Variants in C7orf78 observed in about 807,000 individuals in gnomAD.
C7orf78 encodes chromosome 7 open reading frame 78.
the C7orf78 span, among the ~76,000 whole-genome samples, chr7:12,512,392 C>G: frequency 6.6e-6 from 1 of 152,062 alleles, no homozygotes; most frequent in Non-Finnish European, 1.5e-5. Context: ...GAGTTTTTAT[C>G]ATAAAGTGGT....
the C7orf78 span, among the ~76,000 whole-genome samples, chr7:12,516,663 C>A: frequency 6.6e-6 from 1 of 152,220 alleles, no homozygotes; most frequent in Non-Finnish European, 1.5e-5. Flanking sequence ...AGGGGAGGAG[C>A]TGCCTAACAC....
At chr7:12,539,673 C>G in the C7orf78 span, among the ~76,000 whole-genome samples, 2 of 152,188 alleles carry the variant, frequency 1.3e-5, no homozygotes, top group Non-Finnish European at 2.9e-5. Flanking sequence ...AAGCCAATCA[C>G]TGAGACAATG....
chr7:12,524,630 G>A, the C7orf78 span, among the ~76,000 whole-genome samples: 1,218 of 152,140 alleles, frequency 8.0e-3, 16 homozygotes, highest in African/African-American at 0.028. Flanking sequence ...GGATCATGAG[G>A]TCAGGAGTTC....
the C7orf78 span, among the ~76,000 whole-genome samples, chr7:12,520,471 T>A: frequency 6.6e-6 from 1 of 152,244 alleles, no homozygotes; most frequent in East Asian, 1.9e-4. Flanking sequence ...TTTTTAAATT[T>A]TTTCTTTGCC....
At chr7:12,509,174 TAATACTTTTC>T in the C7orf78 span, among the ~76,000 whole-genome samples, 1 of 152,202 alleles carries the variant, frequency 6.6e-6, no homozygotes, top group Non-Finnish European at 1.5e-5. Flanking sequence ...TTAGGTCATT[TAATACTTTTC>T]AATATGTAGG....
At chr7:12,514,302 A>T in the C7orf78 span, among the ~76,000 whole-genome samples, 1 of 152,102 alleles carries the variant, frequency 6.6e-6, no homozygotes, top group East Asian at 1.9e-4. Flanking sequence ...ATTATATAAC[A>T]ATATTCTTTA....
chr7:12,502,528 A>G, the C7orf78 span, among the ~76,000 whole-genome samples: 8 of 150,244 alleles, frequency 5.3e-5, no homozygotes, highest in South Asian at 6.3e-4. Context: ...CAAAACCACA[A>G]TGAGATACCA....
chr7:12,521,408 A>G, the C7orf78 span, among the ~76,000 whole-genome samples: 17 of 151,612 alleles, frequency 1.1e-4, no homozygotes, highest in African/African-American at 4.1e-4. Flanking sequence ...CTTTCTGATT[A>G]GTATGGGGCT....
chr7:12,532,905 G>C, the C7orf78 span, among the ~76,000 whole-genome samples: 1 of 152,148 alleles, frequency 6.6e-6, no homozygotes, highest in African/African-American at 2.4e-5. Context: ...AATATAAAAA[G>C]AGTAGATATG....
chr7:12,535,021 A>AGG, the C7orf78 span, among the ~76,000 whole-genome samples: 1 of 151,448 alleles, frequency 6.6e-6, no homozygotes, highest in African/African-American at 2.4e-5. Flanking sequence ...GAAGGAAGGA[A>AGG]ACAGATTTCA....
At chr7:12,484,809 G>C in the C7orf78 span, among the ~76,000 whole-genome samples, 1 of 151,670 alleles carries the variant, frequency 6.6e-6, no homozygotes, top group East Asian at 1.9e-4. Flanking sequence ...TTCTACTTTT[G>C]TCTGCTTCTT....
the C7orf78 span, among the ~76,000 whole-genome samples, chr7:12,501,288 A>G: frequency 2.0e-5 from 3 of 148,142 alleles, no homozygotes; most frequent in South Asian, 6.7e-4. Context: ...AGGAAATCAA[A>G]TTGTCCCTGT....
chr7:12,541,964 A>T, the C7orf78 span: 1 of 152,230 alleles, frequency 6.6e-6, no homozygotes, highest in East Asian at 1.9e-4. Context: ...GTCTTTTAAC[A>T]TGTTAAAATA....
At chr7:12,514,895 G>A in the C7orf78 span, among the ~76,000 whole-genome samples, 1 of 151,556 alleles carries the variant, frequency 6.6e-6, no homozygotes, top group Admixed American at 6.6e-5. Flanking sequence ...CTTAGATATA[G>A]TATCCATAGG....
At chr7:12,494,612 T>C in the C7orf78 span, among the ~76,000 whole-genome samples, 1 of 97,680 alleles carries the variant, frequency 1.0e-5, no homozygotes, top group Non-Finnish European at 2.0e-5. Flanking sequence ...TACTCATGCA[T>C]AGCCCTACTT....
the C7orf78 span, among the ~76,000 whole-genome samples, chr7:12,520,677 G>A: frequency 1.3e-5 from 2 of 152,170 alleles, no homozygotes; most frequent in Admixed American, 6.5e-5. Context: ...TTACATTTGC[G>A]AATGAGAAGA....
At chr7:12,493,993 T>A in the C7orf78 span, among the ~76,000 whole-genome samples, 2 of 152,142 alleles carry the variant, frequency 1.3e-5, no homozygotes, top group African/African-American at 4.8e-5. Context: ...CTACTTCAGT[T>A]TAGAATGGTA....
chr7:12,512,803 CTT>C, the C7orf78 span, among the ~76,000 whole-genome samples: 4 of 152,220 alleles, frequency 2.6e-5, no homozygotes, highest in South Asian at 8.3e-4. Context: ...ATCCATCAGT[CTT>C]TGTATTTTCT....
chr7:12,492,583 T>A, the C7orf78 span, among the ~76,000 whole-genome samples: 4 of 152,292 alleles, frequency 2.6e-5, no homozygotes, highest in Admixed American at 2.6e-4. Context: ...AAGTCTCAAT[T>A]TTTTTACAAA....
Sources: gnomAD v4.1 joint callset for allele counts (sites outside exome capture counted in the v4.1 genomes callset) on GRCh38, gnomAD v4.1.1 for gene constraint, MANE v1.5 for transcripts, NCBI Gene and HGNC (gene_info 2026-07-23, HGNC 2026-07-21) for gene names.